TCERG1L: variants seen among roughly 807,000 people sequenced by gnomAD.
The protein encoded by TCERG1L is transcription elongation regulator 1-like protein.
TCERG1L carries 37 observed loss-of-function variants against 56.3 expected under a neutral mutation model. That is an observed-to-expected ratio of 0.66 (90% CI 0.51 to 0.87). The LOEUF is 0.87. Among genes scored for constraint, TCERG1L ranks in the 40% least tolerant of loss-of-function variants. TCERG1L has a pLI of 0.00. For synonymous variants in TCERG1L, 324 were observed against 326.3 expected, an observed-to-expected ratio of 0.99 and a Z score of 0.08; for missense variants, 799 against 774.2, an observed-to-expected ratio of 1.03 and a Z score of -0.38.
At chr10:131,265,638 C>T (rs881149) in intron 3 of TCERG1L, among the ~76,000 whole-genome samples, 125,915 of 152,230 alleles carry the variant, frequency 0.83, 53,428 homozygotes, top group East Asian at 0.92. Flanking sequence ...TTTTGGTTTT[C>T]CAATGCATAC....
intron 4 of TCERG1L, among the ~76,000 whole-genome samples, chr10:131,229,883 CCTT>C (rs572428959): frequency 2.8e-4 from 42 of 152,232 alleles, no homozygotes; most frequent in Admixed American, 5.2e-4. Flanking sequence ...GGGTGAGTAA[CCTT>C]CTGAACGAAG....
chr10:131,153,385 T>C (rs1340063715), intron 6 of TCERG1L, among the ~76,000 whole-genome samples: 3 of 152,108 alleles, frequency 2.0e-5, no homozygotes, highest in Non-Finnish European at 4.4e-5. Context: ...GCTGGGCTGC[T>C]CACCCTAAGC....
chr10:131,139,912 G>A lies in TCERG1L; in HGVS notation c.1190-5464C>T, dbSNP rs115716817. On this transcript the variant is annotated intron_variant, in intron 7 of 11. Transcript: ENST00000368642. ...TCTGAGTGTGTTTGTAAGTCACTGA[G>A]TTCAGGGAATGTGGCTGGCTGCATC... Among the ~76,000 whole-genome samples the A allele has an allele frequency of 2.8e-3, 422 of 152,274 alleles. 2 individuals are homozygous for A. Among genetic ancestry groups the A allele is most frequent in the African/African-American group, 9.5e-3 (395 of 41,544 alleles).
intron 8 of TCERG1L, among the ~76,000 whole-genome samples, chr10:131,124,759 G>A (rs1196982772): frequency 1.3e-5 from 2 of 152,180 alleles, no homozygotes; most frequent in African/African-American, 4.8e-5. Flanking sequence ...CATCGCAGGG[G>A]TGACCTGAGG....
chr10:131,213,567 C>A (rs1484313814), intron 4 of TCERG1L, among the ~76,000 whole-genome samples: 3 of 152,220 alleles, frequency 2.0e-5, no homozygotes, highest in Non-Finnish European at 4.4e-5. Flanking sequence ...CCGGCTGCGC[C>A]TCAGTGTCCC....
intron 9 of TCERG1L, among the ~76,000 whole-genome samples, chr10:131,114,956 A>G (rs956876388): frequency 1.3e-5 from 2 of 152,252 alleles, no homozygotes; most frequent in African/African-American, 4.8e-5. Flanking sequence ...CATTTCCACA[A>G]GGGCCGTGCA....
chr10:131,141,244 T>A (rs1845735640), intron 7 of TCERG1L, among the ~76,000 whole-genome samples: 1 of 152,106 alleles, frequency 6.6e-6, no homozygotes, highest in African/African-American at 2.4e-5. Context: ...AGCCTTCCAC[T>A]CTTTGAGGCT....
chr10:131,254,317 A>ATATATATATG (rs1260510781), intron 4 of TCERG1L, among the ~76,000 whole-genome samples: 2 of 150,052 alleles, frequency 1.3e-5, no homozygotes, highest in Non-Finnish European at 3.0e-5. Context: ...ATATATATAT[A>ATATATATATG]TATAGTAAGT....
chr10:131,214,534 C>T (rs1174621018), intron 4 of TCERG1L, among the ~76,000 whole-genome samples: 2 of 152,228 alleles, frequency 1.3e-5, no homozygotes, highest in East Asian at 3.8e-4. Flanking sequence ...TCTATTTTCA[C>T]TGAACCATGA....
intron 3 of TCERG1L, among the ~76,000 whole-genome samples, chr10:131,269,317 G>T (rs1846315426): frequency 6.6e-6 from 1 of 152,146 alleles, no homozygotes; most frequent in South Asian, 2.1e-4. Context: ...CTCCCGAGTA[G>T]CTGGGATAAC....
intron 3 of TCERG1L, among the ~76,000 whole-genome samples, chr10:131,292,698 C>T (rs946176692): frequency 2.6e-5 from 4 of 152,074 alleles, no homozygotes; most frequent in African/African-American, 9.7e-5. Context: ...CATCGTGGTT[C>T]GGGTTGAATT....
intron 4 of TCERG1L, among the ~76,000 whole-genome samples, chr10:131,186,628 A>C (rs1442247141): frequency 6.6e-6 from 1 of 152,160 alleles, no homozygotes; most frequent in Admixed American, 6.5e-5. Context: ...TCTCCTGCAA[A>C]GGATGGGGAG....
chr10:131,191,952 T>C (rs1223925227), intron 4 of TCERG1L, among the ~76,000 whole-genome samples: 1 of 140,186 alleles, frequency 7.1e-6, no homozygotes, highest in Non-Finnish European at 1.6e-5. Flanking sequence ...AAAACTTTTC[T>C]AGACATTGAC....
At chr10:131,249,755 C>T (rs956715824) in intron 4 of TCERG1L, among the ~76,000 whole-genome samples, 1 of 152,340 alleles carries the variant, frequency 6.6e-6, no homozygotes, top group South Asian at 2.1e-4. Flanking sequence ...GACGGCCACA[C>T]TCGCTGGCTC....
chr10:131,307,170 A>G (rs1564838025), intron 3 of TCERG1L, among the ~76,000 whole-genome samples: 2 of 152,256 alleles, frequency 1.3e-5, no homozygotes, highest in Non-Finnish European at 2.9e-5. Flanking sequence ...TAAAATGTTT[A>G]TAAATGTGTG....
intron 3 of TCERG1L, among the ~76,000 whole-genome samples, chr10:131,284,125 C>CA (rs10534180): frequency 5.7e-4 from 66 of 116,362 alleles, no homozygotes; most frequent in African/African-American, 1.8e-3. Flanking sequence ...GACCACATCT[C>CA]AAAAAAAAAA....
chr10:131,096,065 C>CT (rs1845241693), intron 11 of TCERG1L, among the ~76,000 whole-genome samples: 1 of 152,206 alleles, frequency 6.6e-6, no homozygotes, highest in African/African-American at 2.4e-5. Context: ...CTCCTGCCTG[C>CT]CAGGCACCGT....
chr10:131,171,188 G>A (rs28589826), intron 4 of TCERG1L, among the ~76,000 whole-genome samples: 80 of 99,304 alleles, frequency 8.1e-4, no homozygotes, highest in East Asian at 1.8e-3. Context: ...CCAAAAAAAA[G>A]AAGAAAGAAA....
intron 8 of TCERG1L, among the ~76,000 whole-genome samples, chr10:131,130,872 C>A (rs571337223): frequency 2.6e-5 from 4 of 152,000 alleles, no homozygotes; most frequent in Non-Finnish European, 5.9e-5. Context: ...CACTGACTCC[C>A]CCAGTGATCT....
Sources: allele counts gnomAD v4.1 joint callset (sites outside exome capture counted in the v4.1 genomes callset), GRCh38; gene constraint gnomAD v4.1.1; transcripts MANE v1.5; gene names NCBI Gene and HGNC (gene_info 2026-07-23, HGNC 2026-07-21).